Variants in EYS observed in about 807,000 individuals in gnomAD.
EYS encodes protein eyes shut homolog.
EYS carries 250 observed loss-of-function variants against 282.1 expected under a neutral mutation model. The ratio of observed to expected loss-of-function variants is 0.89; its 90% CI spans 0.80 to 0.98. The LOEUF (loss-of-function observed/expected upper bound fraction) is 0.98, where lower values mean the gene tolerates loss of function less well. EYS is among the 50% of genes least tolerant of loss of function. The probability of loss-of-function intolerance (pLI) is 0.00; values close to 1 mark genes in which losing one functional copy is unlikely to be tolerated. For synonymous variants in EYS, 1,355 were observed against 1,282.9 expected (o/e 1.06, Z -1.20); for missense variants, 4,016 against 3,709.0 (o/e 1.08, Z -2.15).
chr6:64,893,960 C>T (rs956556517), intron 18 of EYS, among the ~76,000 whole-genome samples: 1 of 151,956 alleles, frequency 6.6e-6, no homozygotes, highest in Non-Finnish European at 1.5e-5. Context: ...TCCTCCATTC[C>T]TCTCTACCAG....
At chr6:64,675,149 T>G (rs979602776) in intron 22 of EYS, among the ~76,000 whole-genome samples, 1 of 152,146 alleles carries the variant, frequency 6.6e-6, no homozygotes, top group Non-Finnish European at 1.5e-5. Context: ...TTTGGCTCAT[T>G]TTTTCTATCT....
chr6:64,600,723 T>C (rs1181920896), intron 24 of EYS, among the ~76,000 whole-genome samples: 1 of 152,108 alleles, frequency 6.6e-6, no homozygotes. Context: ...GGGGCTAATA[T>C]GATGGCTGGC....
chr6:63,831,484 G>A (rs1250615529), intron 36 of EYS, among the ~76,000 whole-genome samples: 2 of 151,860 alleles, frequency 1.3e-5, no homozygotes, highest in Non-Finnish European at 2.9e-5. Context: ...CATTACATAA[G>A]TAAAGGGATC....
intron 5 of EYS, among the ~76,000 whole-genome samples, chr6:65,458,539 G>T (rs150852994): frequency 1.1e-3 from 169 of 152,152 alleles, no homozygotes; most frequent in African/African-American, 3.9e-3. Flanking sequence ...GAAATGTTTC[G>T]AGAACTTCAG....
At chr6:63,843,338 A>G (rs1197688747) in intron 36 of EYS, among the ~76,000 whole-genome samples, 1 of 152,012 alleles carries the variant, frequency 6.6e-6, no homozygotes, top group African/African-American at 2.4e-5. Flanking sequence ...TGTAAGTTCT[A>G]TTCCTAGGTA....
intron 12 of EYS, among the ~76,000 whole-genome samples, chr6:65,091,449 C>CAATAAATAAATA (rs1456480650): frequency 1.0e-4 from 9 of 85,794 alleles, no homozygotes; most frequent in African/African-American, 3.6e-4. Context: ...GACTACATCT[C>CAATAAATAAATA]AAGAAATAAA....
At chr6:64,459,672 G>A (rs1775679053) in intron 26 of EYS, among the ~76,000 whole-genome samples, 1 of 152,120 alleles carries the variant, frequency 6.6e-6, no homozygotes, top group Non-Finnish European at 1.5e-5. Context: ...AGGGCAGGAA[G>A]CAGCCAGCAT....
chr6:65,250,462 ATCT>A (rs942594588), intron 12 of EYS, among the ~76,000 whole-genome samples: 1 of 151,914 alleles, frequency 6.6e-6, no homozygotes, highest in Admixed American at 6.6e-5. Flanking sequence ...TCTTTTATGG[ATCT>A]TCTTGGGGTT....
At chr6:65,369,485 A>G (rs894673677) in intron 8 of EYS, among the ~76,000 whole-genome samples, 1 of 151,024 alleles carries the variant, frequency 6.6e-6, no homozygotes, top group East Asian at 1.9e-4. Flanking sequence ...CCCAATCTGG[A>G]ATCTATCTCC....
At chr6:65,427,770 G>A (rs1767717546) in intron 5 of EYS, among the ~76,000 whole-genome samples, 1 of 151,874 alleles carries the variant, frequency 6.6e-6, no homozygotes, top group South Asian at 2.1e-4. Context: ...ATACAGATTT[G>A]AAATAATCAA....
chr6:64,661,696 C>A (rs62418015), intron 22 of EYS, among the ~76,000 whole-genome samples: 16,672 of 141,722 alleles, frequency 0.12, 1,249 homozygotes, highest in East Asian at 0.16. Context: ...CCATCTCACA[C>A]CAGTTAGAAT....
chr6:63,919,754 G>T (rs1030766962), intron 35 of EYS, among the ~76,000 whole-genome samples: 1 of 152,152 alleles, frequency 6.6e-6, no homozygotes, highest in Non-Finnish European at 1.5e-5. Flanking sequence ...TGCTACACAC[G>T]TCCACTCTGT....
At chr6:64,424,613 G>C (rs986225554) in intron 28 of EYS, among the ~76,000 whole-genome samples, 1 of 152,126 alleles carries the variant, frequency 6.6e-6, no homozygotes, top group Non-Finnish European at 1.5e-5. Context: ...ATTTCTTCCC[G>C]TGCTAATTTT....
intron 2 of EYS, among the ~76,000 whole-genome samples, chr6:65,541,909 G>T (rs1039747135): frequency 6.6e-6 from 1 of 152,126 alleles, no homozygotes; most frequent in South Asian, 2.1e-4. Context: ...AGGATGGAAT[G>T]CAATTACCTG....
chr6:64,861,731 A>G (rs2150048709), intron 19 of EYS, among the ~76,000 whole-genome samples: 1 of 152,258 alleles, frequency 6.6e-6, no homozygotes, highest in Non-Finnish European at 1.5e-5. Flanking sequence ...CCCTCTCATC[A>G]CTTATTACAT....
In EYS at chr6:65,059,460, G is replaced by T. The variant is rs533667859; in HGVS notation, c.2024-1733C>A. On this transcript the variant is annotated intron_variant, in intron 12 of 42. Transcript: ENST00000503581. ...AGGTAGTATTACAACTTGGATCAAG[G>T]TGCATACCAAAGTTAGTCTCCTACC... 2.1e-3 allele frequency among the ~76,000 whole-genome samples: 316 copies of T among 152,128 alleles called. 1 individual carries two copies. Among genetic ancestry groups the T allele is most frequent in the Non-Finnish European group, 3.6e-3 (242 of 67,984 alleles).
intron 31 of EYS, among the ~76,000 whole-genome samples, chr6:64,210,912 A>T (rs979071363): frequency 2.0e-5 from 3 of 151,988 alleles, no homozygotes; most frequent in Non-Finnish European, 4.4e-5. Flanking sequence ...GAGCTGATAC[A>T]CCCTTCTTTG....
intron 35 of EYS, among the ~76,000 whole-genome samples, chr6:63,870,163 G>A (rs1299832558): frequency 6.6e-6 from 1 of 152,122 alleles, no homozygotes; most frequent in African/African-American, 2.4e-5. Context: ...GGCTAGAAGA[G>A]TTGGTATGAG....
chr6:65,511,796 T>C (rs887378811), intron 2 of EYS, among the ~76,000 whole-genome samples: 3 of 151,842 alleles, frequency 2.0e-5, no homozygotes, highest in Non-Finnish European at 4.4e-5. Context: ...CTACTAAAAA[T>C]ACACAAACTA....
Sources: gnomAD v4.1 joint callset for allele counts (sites outside exome capture counted in the v4.1 genomes callset) on GRCh38, gnomAD v4.1.1 for gene constraint, MANE v1.5 for transcripts, NCBI Gene and HGNC (gene_info 2026-07-23, HGNC 2026-07-21) for gene names.